The following MYH7B variants were observed in gnomAD, a reference collection of about 807,000 sequenced individuals.
The protein encoded by MYH7B is myosin heavy chain 7B, also known as myosin-7B.
MYH7B carries 205 observed loss-of-function variants against 234.5 expected under a neutral mutation model. The observed-to-expected ratio is 0.87, with a 90% CI of 0.78 to 0.98. The LOEUF (loss-of-function observed/expected upper bound fraction) is 0.98. Ranked by LOEUF, MYH7B falls within the 50% of genes least tolerant of loss-of-function variation. The probability of loss-of-function intolerance (pLI) is 0.00; values close to 1 mark genes in which losing one functional copy is unlikely to be tolerated. For missense variants in MYH7B, 2,652 were observed against 2,633.4 expected (o/e 1.01, Z -0.15); for synonymous variants, 1,193 against 1,105.0 (o/e 1.08, Z -1.58).
exon 35 of MYH7B, chr20:34,998,724 G>C: frequency 6.2e-7 from 1 of 1,611,480 alleles, no homozygotes. Context: ...TGCAGGCCAA[G>C]AGTGCCCTGG....
intron 2 of MYH7B, among the ~76,000 whole-genome samples, chr20:34,971,566 C>G (rs917047847): frequency 1.9e-4 from 29 of 152,188 alleles, no homozygotes; most frequent in African/African-American, 7.0e-4. Context: ...GGGTACAAAC[C>G]TGGGACAAGC....
exon 8 of MYH7B, chr20:34,980,585 C>T: frequency 6.2e-7 from 1 of 1,613,800 alleles, no homozygotes; most frequent in Non-Finnish European, 8.5e-7. Flanking sequence ...CAGACCTACT[C>T]AGGCCTCTTC....
At chr20:34,980,305 T>G in intron 7 of MYH7B, 1 of 389,152 alleles carries the variant, frequency 2.6e-6, no homozygotes, top group Non-Finnish European at 4.7e-6. Context: ...TCCCAGCACT[T>G]TGGGAGGGCA....
chr20:34,996,375 G>A lies in MYH7B; in HGVS notation c.2973G>A (p.Ala991=), dbSNP rs761868238. ...AGAACCTGACGGAAGAGATGGCTGC[G>A]CTGGACGAGTCAGTGGCCCGGCTGA... The change falls in exon 29 of 45, where the codon GCG becomes GCA. Residue 991 remains alanine (A), a synonymous_variant. Coordinates refer to ENST00000262873, the Ensembl canonical transcript of MYH7B. The A allele has an allele frequency of 1.1e-5, 18 of 1,605,318 alleles. No individual in the cohort carries two copies. In the East Asian group the frequency reaches 1.1e-4, roughly 10 times the overall value.
chr20:34,971,672 CCTT>C (rs1477770833), intron 2 of MYH7B, among the ~76,000 whole-genome samples: 5 of 152,212 alleles, frequency 3.3e-5, no homozygotes, highest in South Asian at 2.1e-4. Flanking sequence ...CCTCCTGAGT[CCTT>C]CTTCCTGCCA....
chr20:34,987,936 G>T (rs1418378781), intron 18 of MYH7B, 22 bp downstream of exon 18: 1 of 1,572,668 alleles, frequency 6.4e-7, no homozygotes, highest in Non-Finnish European at 8.6e-7. Flanking sequence ...CCCTCACCTT[G>T]GCCTCTGTTC....
chr20:35,000,266 C>A (rs1422599815), intron 38 of MYH7B, 27 bp from the exon 39 acceptor site: 1 of 1,543,142 alleles, frequency 6.5e-7, no homozygotes, highest in Non-Finnish European at 8.7e-7. Flanking sequence ...TTACGAGACC[C>A]CCTTTCATGC....
chr20:34,979,151 G>A (rs902873058), intron 5 of MYH7B, among the ~76,000 whole-genome samples: 1 of 152,186 alleles, frequency 6.6e-6, no homozygotes, highest in Non-Finnish European at 1.5e-5. Context: ...GCGGAAGCAG[G>A]AATTGGAACC....
intron 10 of MYH7B, among the ~76,000 whole-genome samples, chr20:34,983,222 G>T (rs1386763476): frequency 2.7e-5 from 4 of 150,022 alleles, no homozygotes; most frequent in African/African-American, 9.8e-5. Flanking sequence ...TTTATTCTGG[G>T]TGTTTTTCTT....
At chr20:34,977,738 G>GGGGGGGGGGGCGCCCC in intron 4 of MYH7B, 58 bp downstream of exon 4, 1 of 317,154 alleles carries the variant, frequency 3.2e-6, no homozygotes, top group Non-Finnish European at 5.9e-6. Context: ...GGGCGGGTGG[G>GGGGGGGGGGGCGCCCC]TGAGGGTGCC....
exon 8 of MYH7B, chr20:34,980,590 C>T: frequency 1.2e-6 from 2 of 1,614,036 alleles, no homozygotes; most frequent in Non-Finnish European, 1.7e-6. Context: ...CTACTCAGGC[C>T]TCTTCTGTGT....
chr20:34,970,623 C>CTAT (rs1265208372), intron 2 of MYH7B, among the ~76,000 whole-genome samples: 1 of 152,196 alleles, frequency 6.6e-6, no homozygotes, highest in Non-Finnish European at 1.5e-5. Context: ...GACAAGGGAG[C>CTAT]TATAGATAGA....
At chr20:34,995,061 C>T (rs575124005) in intron 27 of MYH7B, among the ~76,000 whole-genome samples, 18 of 152,344 alleles carry the variant, frequency 1.2e-4, no homozygotes, top group South Asian at 6.2e-4. Flanking sequence ...AGCCCAACAG[C>T]GGGGCAGTGA....
At chr20:34,966,641 C>T (rs981657554) in intron 2 of MYH7B, among the ~76,000 whole-genome samples, 1 of 152,030 alleles carries the variant, frequency 6.6e-6, no homozygotes, top group Non-Finnish European at 1.5e-5. Flanking sequence ...ACAACTAGTA[C>T]ATGTAAAACT....
chr20:34,997,393 A>G (rs1366180295), exon 32 of MYH7B: 2 of 1,502,388 alleles, frequency 1.3e-6, no homozygotes, highest in Non-Finnish European at 1.8e-6. Context: ...TCCGCGGGGC[A>G]GCGCGAGGGC....
At position 34,982,442 on chromosome 20, in the gene MYH7B, T is replaced by A. The variant is rs745370214; in HGVS notation, c.528-17T>A. 3.1e-6 allele frequency: 5 copies of A among 1,612,766 alleles called. No homozygotes were observed. Among genetic ancestry groups the A allele is most frequent in the Non-Finnish European group, 4.2e-6 (5 of 1,179,024 alleles). ...AGGCCAGATGGGCATTGGTGACTCA[T>A]GTTTGTGTCGTCCAAGCGGAGAGTC... On this transcript the variant is annotated splice_polypyrimidine_tract_variant and intron_variant, in intron 9 of 44. Transcript: ENST00000262873.
At chr20:34,979,589 T>C (rs1038907767) in intron 6 of MYH7B, 72 bp from the exon 7 acceptor site, 1 of 1,606,866 alleles carries the variant, frequency 6.2e-7, no homozygotes, top group Non-Finnish European at 8.5e-7. Flanking sequence ...TCTGGGTATG[T>C]GGGTGGGGGT....
intron 22 of MYH7B, 172 bp from the exon 23 acceptor site, chr20:34,990,566 T>C (rs759693167): frequency 2.0e-5 from 16 of 783,252 alleles, no homozygotes; most frequent in Non-Finnish European, 3.6e-5. Context: ...GTGAAGACTT[T>C]GGTGGTGGTG....
At chr20:34,990,020 T>C in exon 21 of MYH7B, 1 of 1,614,074 alleles carries the variant, frequency 6.2e-7, no homozygotes, top group Non-Finnish European at 8.5e-7. Context: ...CCAGGTGCCT[T>C]ACAGCATTGT....
Sources: allele counts gnomAD v4.1 joint callset (sites outside exome capture counted in the v4.1 genomes callset), GRCh38; gene constraint gnomAD v4.1.1; transcripts MANE v1.5; gene names NCBI Gene and HGNC (gene_info 2026-07-23, HGNC 2026-07-21).